Variants in CDH8 observed in about 807,000 individuals in gnomAD.
CDH8 encodes cadherin-8.
A neutral mutation model predicts 68.1 loss-of-function variants in CDH8; 17 were observed. The ratio of observed to expected loss-of-function variants is 0.25; its 90% CI spans 0.17 to 0.37. The LOEUF is 0.37. CDH8 is among the 10% of genes least tolerant of loss of function. CDH8 has a pLI of 1.00. For missense variants in CDH8, 763 were observed against 999.3 expected (o/e 0.76, Z 3.19); for synonymous variants, 372 against 365.1 (o/e 1.02, Z -0.21).
chr16:61,817,312 CCACACACA>C (rs3833039), intron 7 of CDH8, among the ~76,000 whole-genome samples, 159 bp downstream of exon 7: 31 of 148,180 alleles, frequency 2.1e-4, no homozygotes, highest in East Asian at 4.1e-4. Flanking sequence ...CGTGTACACA[CCACACACA>C]CACACACACA....
intron 2 of CDH8, among the ~76,000 whole-genome samples, chr16:61,916,199 T>C (rs1964235741): frequency 6.6e-6 from 1 of 152,206 alleles, no homozygotes. Context: ...TCACGACTTC[T>C]TTATCCACTC....
intron 7 of CDH8, among the ~76,000 whole-genome samples, chr16:61,814,041 T>C (rs1962017982): frequency 6.6e-6 from 1 of 152,190 alleles, no homozygotes; most frequent in Non-Finnish European, 1.5e-5. Flanking sequence ...AGATGTGAAA[T>C]TGATGGTGGC....
At chr16:61,848,609 T>C (rs1432475814) in intron 4 of CDH8, among the ~76,000 whole-genome samples, 3 of 152,092 alleles carry the variant, frequency 2.0e-5, no homozygotes, top group South Asian at 2.1e-4. Flanking sequence ...AATAAGTGAT[T>C]GTTAAGTCAT....
Position 61,817,666 on chromosome 16 carries a change from G to C in CDH8, c.1090C>G (p.Pro364Ala). 1 of 1,612,752 alleles carries C rather than the reference G, an allele frequency of 6.2e-7. No individual in the cohort carries two copies. The highest frequency in any genetic ancestry group is 8.5e-7 in the Non-Finnish European group (1 of 1,179,300). Residue 364 changes from proline to alanine, a missense_variant, in exon 7 of 12, where the codon CCA (proline) becomes GCA (alanine). By Grantham distance (27) the Pro-to-Ala change is conservative. This residue lies in a region of CDH8 where 366 missense variants were observed against 563.1 expected (regional missense o/e 0.65). Transcript: ENST00000577390. ...KVEAANVHIDPRFSGRGPFKD... is the reference protein window; with the variant it reads ...KVEAANVHIDARFSGRGPFKD... Reference sequence around the variant, plus strand: ...AAGGGCCCCCTGCCACTGAAGCGTGGGTCAATATGGACATTGGCTGCCTCT... The same window carrying C: ...AAGGGCCCCCTGCCACTGAAGCGTGCGTCAATATGGACATTGGCTGCCTCT...
chr16:61,852,606 G>T (rs1302880581), intron 4 of CDH8, among the ~76,000 whole-genome samples: 1 of 152,028 alleles, frequency 6.6e-6, no homozygotes, highest in East Asian at 1.9e-4. Flanking sequence ...GCTCCTAAAT[G>T]AATTTCAAAC....
chr16:62,011,126 G>T (rs1476952942), intron 2 of CDH8, among the ~76,000 whole-genome samples: 1 of 152,046 alleles, frequency 6.6e-6, no homozygotes, highest in East Asian at 1.9e-4. Context: ...ATTCCCTGCT[G>T]TTTCTCAATA....
At chr16:61,672,727 ATAAAG>A (rs1411461390) in intron 10 of CDH8, among the ~76,000 whole-genome samples, 2 of 152,050 alleles carry the variant, frequency 1.3e-5, no homozygotes, top group Non-Finnish European at 2.9e-5. Context: ...TAGTTGATAT[ATAAAG>A]TAAATTGTAA....
At chr16:61,697,427 G>C (rs961452822) in intron 10 of CDH8, among the ~76,000 whole-genome samples, 1 of 151,934 alleles carries the variant, frequency 6.6e-6, no homozygotes, top group Admixed American at 6.6e-5. Flanking sequence ...TGGAACCTGG[G>C]ATAGAGAACA....
In CDH8 at chr16:61,871,374, A is replaced by G. The variant is rs144835388; in HGVS notation, c.548-14136T>C. ...TTTTTTTTTTTTTAATAGAGACAGG[A>G]TCTGGTCTTGAACTCCTAGACTCAA... On this transcript the variant is annotated intron_variant, in intron 3 of 11. Coordinates refer to ENST00000577390, the MANE Select transcript of CDH8 (RefSeq NM_001796.5). Among the ~76,000 whole-genome samples, 358 of 150,238 alleles carry G rather than the reference A, an allele frequency of 2.4e-3. 5 individuals carry two copies. Among genetic ancestry groups the G allele is most frequent in the African/African-American group, 8.5e-3 (348 of 40,860 alleles).
At chr16:61,971,619 C>T (rs1292296943) in intron 2 of CDH8, among the ~76,000 whole-genome samples, 1 of 152,144 alleles carries the variant, frequency 6.6e-6, no homozygotes, top group East Asian at 1.9e-4. Context: ...ATGGAAGCTT[C>T]ATGACATAGG....
At chr16:61,768,337 T>C (rs1960656376) in intron 8 of CDH8, among the ~76,000 whole-genome samples, 1 of 118,842 alleles carries the variant, frequency 8.4e-6, no homozygotes, top group Non-Finnish European at 1.8e-5. Context: ...TCTCTCTCTC[T>C]CTCTCTCTCT....
intron 10 of CDH8, among the ~76,000 whole-genome samples, chr16:61,703,275 G>T (rs756911438): frequency 1.3e-5 from 2 of 152,084 alleles, no homozygotes; most frequent in Non-Finnish European, 2.9e-5. Flanking sequence ...TTAATATAGG[G>T]AGATAGTTTT....
At chr16:61,908,255 GAATT>G (rs1307774371) in intron 2 of CDH8, among the ~76,000 whole-genome samples, 1 of 152,116 alleles carries the variant, frequency 6.6e-6, no homozygotes, top group African/African-American at 2.4e-5. Flanking sequence ...AGCTGTCAGT[GAATT>G]AATTACTATC....
At chr16:61,735,727 A>T (rs975492905) in intron 8 of CDH8, among the ~76,000 whole-genome samples, 1 of 152,260 alleles carries the variant, frequency 6.6e-6, no homozygotes, top group Admixed American at 6.5e-5. Flanking sequence ...AAGATTTAAA[A>T]TAGGGAATTA....
intron 2 of CDH8, among the ~76,000 whole-genome samples, chr16:61,935,653 G>A (rs1041740882): frequency 1.3e-5 from 2 of 151,620 alleles, no homozygotes. Flanking sequence ...TTTCTCTTTG[G>A]CTTTATGCTT....
intron 8 of CDH8, among the ~76,000 whole-genome samples, chr16:61,730,825 T>G (rs1447059238): frequency 6.6e-6 from 1 of 151,644 alleles, no homozygotes; most frequent in Non-Finnish European, 1.5e-5. Flanking sequence ...AAGTCACATC[T>G]CTTTCAGAAA....
Position 61,723,524 on chromosome 16 carries a change from G to A in CDH8, c.1536+3570C>T, listed in dbSNP as rs1395030342. ...CCCTTCTCCCTTCAGCATCCCACCT[G>A]TCCAGAAGATTTGAAACATTTTCTG... On this transcript the variant is annotated intron_variant, in intron 9 of 11. Transcript: ENST00000577390. Among the ~76,000 whole-genome samples, 2 of 150,664 alleles carry A rather than the reference G, an allele frequency of 1.3e-5. 1 individual carries two copies. The highest frequency in any genetic ancestry group is 3.0e-5 in the Non-Finnish European group (2 of 67,116).
In CDH8 at chr16:61,880,945, G is replaced by A. The variant is rs542584807; in HGVS notation, c.547+20234C>T. On this transcript the variant is annotated intron_variant, in intron 3 of 11. Transcript: ENST00000577390. Reference sequence around the variant, plus strand: ...CCAGATGGAAAGGCCATGAAGCAACGTGTGTAGATCGGCCACTCAACACAG... The same window carrying A: ...CCAGATGGAAAGGCCATGAAGCAACATGTGTAGATCGGCCACTCAACACAG... Among the ~76,000 whole-genome samples the A allele has an allele frequency of 6.6e-5, 10 of 152,246 alleles. No individual in the cohort carries two copies. In the South Asian group the frequency reaches 1.0e-3, roughly 16 times the overall value.
Position 61,647,903 on chromosome 16 carries a change from A to G in CDH8, c.*5705T>C. 1.4e-6 allele frequency: 1 copy of G among 695,500 alleles called. No homozygotes were observed. Among genetic ancestry groups the G allele is most frequent in the South Asian group, 1.5e-5 (1 of 66,750 alleles). 43.1% of individuals were successfully genotyped at this position (695,500 alleles called of 1,614,324 possible). On this transcript the variant is annotated 3_prime_UTR_variant, in exon 12 of 12. Coordinates refer to ENST00000577390, the MANE Select transcript of CDH8 (RefSeq NM_001796.5). Reference sequence around the variant, plus strand: ...TCTTCTGTAATCTGTGGATAATAATAGAAATATCTATTATCTATTAGTAGG... The same window carrying G: ...TCTTCTGTAATCTGTGGATAATAATGGAAATATCTATTATCTATTAGTAGG...
Sources: allele counts gnomAD v4.1 joint callset (sites outside exome capture counted in the v4.1 genomes callset), GRCh38; gene constraint gnomAD v4.1.1; regional missense constraint gnomAD v4.1.1; transcripts MANE v1.5; gene names NCBI Gene and HGNC (gene_info 2026-07-23, HGNC 2026-07-21).